The following USP2 variants were observed in gnomAD, a reference collection of about 807,000 sequenced individuals.
The protein encoded by USP2 is ubiquitin specific peptidase 2.
A neutral mutation model predicts 72.0 loss-of-function variants in USP2; 33 were observed. That is an observed-to-expected ratio of 0.46 (90% CI 0.35 to 0.61). The LOEUF (loss-of-function observed/expected upper bound fraction) is 0.61. Among genes scored for constraint, USP2 ranks in the 20% least tolerant of loss-of-function variants. USP2 has a pLI of 0.01. For missense variants in USP2, 691 were observed against 797.8 expected (o/e 0.87, Z 1.61); for synonymous variants, 296 against 312.5 (o/e 0.95, Z 0.56).
intron 2 of USP2, among the ~76,000 whole-genome samples, chr11:119,366,456 A>G (rs532261045): frequency 2.0e-5 from 3 of 152,222 alleles, no homozygotes; most frequent in Non-Finnish European, 4.4e-5. Context: ...TCGTCAGTCT[A>G]TGCGCATTCA....
chr11:119,374,775 G>A (rs1429446674), intron 1 of USP2, among the ~76,000 whole-genome samples: 1 of 152,174 alleles, frequency 6.6e-6, no homozygotes, highest in African/African-American at 2.4e-5. Context: ...GGGGGATGGA[G>A]CAGAGCCATC....
intron 1 of USP2, among the ~76,000 whole-genome samples, chr11:119,376,066 G>A (rs1005543386): frequency 6.6e-6 from 1 of 152,232 alleles, no homozygotes; most frequent in Non-Finnish European, 1.5e-5. Context: ...TCTCGGCTCT[G>A]ACTTCTAGCT....
At chr11:119,379,871 T>A (rs1275747123) in intron 1 of USP2, among the ~76,000 whole-genome samples, 1 of 151,734 alleles carries the variant, frequency 6.6e-6, no homozygotes, top group Non-Finnish European at 1.5e-5. Flanking sequence ...AGGTGAACCT[T>A]CCTAGGGAGA....
chr11:119,358,544 G>A (rs1950711078), intron 7 of USP2: 1 of 616,930 alleles, frequency 1.6e-6, no homozygotes, highest in East Asian at 2.8e-5. Context: ...TTGAACTCCT[G>A]ACCTCAGGTG....
At chr11:119,377,733 CG>C (rs1951019061) in intron 1 of USP2, among the ~76,000 whole-genome samples, 1 of 152,142 alleles carries the variant, frequency 6.6e-6, no homozygotes, top group Non-Finnish European at 1.5e-5. Flanking sequence ...ACCCTGTCCC[CG>C]TGGGGCAGCC....
At chr11:119,369,593 C>G (rs1430506339) in intron 2 of USP2, among the ~76,000 whole-genome samples, 1 of 152,152 alleles carries the variant, frequency 6.6e-6, no homozygotes, top group Non-Finnish European at 1.5e-5. Context: ...TCTTTTCCCC[C>G]CTTAAGTTTA....
chr11:119,372,374 GC>G (rs1412773008), intron 2 of USP2, among the ~76,000 whole-genome samples: 1 of 152,240 alleles, frequency 6.6e-6, no homozygotes, highest in Non-Finnish European at 1.5e-5. Flanking sequence ...CCAGGTTGGG[GC>G]AAGGCCTGCA....
At chr11:119,379,144 A>T (rs1951033437) in intron 1 of USP2, 6 of 985,452 alleles carry the variant, frequency 6.1e-6, no homozygotes, top group Non-Finnish European at 6.0e-6. Flanking sequence ...TCCGATATAT[A>T]TAGTATCTTA....
chr11:119,373,796 C>G (rs1045103577), intron 1 of USP2, among the ~76,000 whole-genome samples: 1 of 152,154 alleles, frequency 6.6e-6, no homozygotes, highest in African/African-American at 2.4e-5. Context: ...GACTCAAACA[C>G]GCAAGCAGGG....
intron 1 of USP2, among the ~76,000 whole-genome samples, chr11:119,377,426 CG>C (rs1188602552): frequency 1.3e-5 from 2 of 152,186 alleles, no homozygotes; most frequent in African/African-American, 4.8e-5. Context: ...TAACAGCATG[CG>C]GTGTACAGAC....
At chr11:119,363,279 G>A (rs768674764) in intron 2 of USP2, among the ~76,000 whole-genome samples, 12 of 152,230 alleles carry the variant, frequency 7.9e-5, no homozygotes, top group Non-Finnish European at 1.3e-4. Context: ...TGCTTCCGCG[G>A]AGGGACCCGC....
intron 2 of USP2, among the ~76,000 whole-genome samples, chr11:119,362,022 A>G (rs1950772272): frequency 6.6e-6 from 1 of 152,236 alleles, no homozygotes; most frequent in Non-Finnish European, 1.5e-5. Flanking sequence ...CTTGCCCACA[A>G]CAGAATACCC....
intron 1 of USP2, 38 bp downstream of exon 1, chr11:119,381,435 G>A: frequency 6.5e-7 from 1 of 1,534,256 alleles, no homozygotes; most frequent in Non-Finnish European, 8.7e-7. Context: ...ACTGATCCCC[G>A]AATCCCCCCT....
Position 119,372,814 on chromosome 11 carries a change from T to C in USP2, c.667A>G (p.Ile223Val), listed in dbSNP as rs1950949327. The change falls in exon 2 of 13, where the codon ATC becomes GTC. Residue 223 changes from isoleucine (I) to valine (V), a missense_variant. Ile to Val is a conservative substitution (Grantham distance 29, BLOSUM62 3). Transcript: ENST00000260187. ...ATGGGTCGGTAGGTTGGGCTGATGA[T>C]TTCAGGGACTCGTGAGGGAGGGGCC... is the stretch of plus-strand genomic sequence containing the variant. Reference protein sequence around the residue: ...SQAPPSRVPEIISPTYRPIGR... With the variant: ...SQAPPSRVPEVISPTYRPIGR... 1.2e-6 allele frequency: 2 copies of C among 1,606,710 alleles called. No homozygotes were observed. Among genetic ancestry groups the C allele is most frequent in the Non-Finnish European group, 1.7e-6 (2 of 1,176,714 alleles).
rs1404667114 is a variant in USP2 at position 119,372,773 on chromosome 11, C to T, written c.708G>A (p.Leu236=). The T allele has an allele frequency of 6.3e-6, 10 of 1,577,522 alleles. No homozygotes were observed. Among genetic ancestry groups the T allele is most frequent in the South Asian group, 1.2e-5 (1 of 83,640 alleles). The change falls in exon 2 of 13, where the codon CTG becomes CTA. Residue 236 remains leucine, a synonymous_variant. Coordinates refer to ENST00000260187, the MANE Select transcript of USP2 (RefSeq NM_004205.5). ...GGGCCTGACCCTTTCCCGTCTCCCACAGCGTGTAGCGGCCAATGGGTCGGT... is the reference window on the plus strand; with the variant it reads ...GGGCCTGACCCTTTCCCGTCTCCCATAGCGTGTAGCGGCCAATGGGTCGGT... ...PTYRPIGRYT[L]WETGKGQAPG...
intron 1 of USP2, among the ~76,000 whole-genome samples, chr11:119,378,202 A>C (rs185144079): frequency 2.6e-4 from 40 of 151,602 alleles, no homozygotes; most frequent in East Asian, 2.0e-3. Context: ...TTCCATCTGC[A>C]CTCTGACCCT....
At chr11:119,360,296 C>T (rs1285917898) in intron 2 of USP2, 62 bp from the exon 3 acceptor site, 2 of 1,573,270 alleles carry the variant, frequency 1.3e-6, no homozygotes, top group Non-Finnish European at 1.7e-6. Context: ...GTGCTGGGCT[C>T]TCTCGTGCAA....
Position 119,372,938 on chromosome 11 carries a change from G to A in USP2, c.543C>T (p.Thr181=), listed in dbSNP as rs758950233. The change falls in exon 2 of 13, where the codon ACC becomes ACT. Residue 181 remains threonine, a synonymous_variant. Coordinates refer to ENST00000260187, the MANE Select transcript of USP2 (RefSeq NM_004205.5). ...TGGCTGTCTGGTAGAGCCCCTGCAG[G>A]GTGCAGAGCTCCTTGCGCGTCCGGG... ...MLARTRKELC[T]LQGLYQTASC... The A allele has an allele frequency of 1.2e-6, 2 of 1,613,616 alleles. No homozygotes were observed. Among genetic ancestry groups the A allele is most frequent in the South Asian group, 2.2e-5 (2 of 91,080 alleles).
intron 1 of USP2, among the ~76,000 whole-genome samples, chr11:119,377,548 C>G (rs1353081555): frequency 6.6e-6 from 1 of 152,194 alleles, no homozygotes; most frequent in Non-Finnish European, 1.5e-5. Flanking sequence ...TCCAGGAAGC[C>G]TCCATTTCAC....
Sources: gnomAD v4.1 joint callset for allele counts (sites outside exome capture counted in the v4.1 genomes callset) on GRCh38, gnomAD v4.1.1 for gene constraint, MANE v1.5 for transcripts, NCBI Gene and HGNC (gene_info 2026-07-23, HGNC 2026-07-21) for gene names.